COL4A4: variants seen among roughly 807,000 people sequenced by gnomAD.
The protein encoded by COL4A4 is collagen type IV alpha 4 chain.
COL4A4 carries 105 observed loss-of-function variants against 192.9 expected under a neutral mutation model. The observed-to-expected ratio is 0.54, with a 90% confidence interval of 0.46 to 0.64. COL4A4 has a LOEUF of 0.64. Among genes scored for constraint, COL4A4 ranks in the 30% least tolerant of loss-of-function variants. COL4A4 has a pLI of 0.00. For synonymous variants in COL4A4, 762 were observed against 769.9 expected (o/e 0.99, Z 0.17); for missense variants, 1,967 against 2,169.3 (o/e 0.91, Z 1.85).
intron 4 of COL4A4, among the ~76,000 whole-genome samples, chr2:227,134,485 A>T (rs1290955354): frequency 1.3e-5 from 2 of 152,220 alleles, no homozygotes; most frequent in African/African-American, 2.4e-5. Flanking sequence ...GGACATAAAA[A>T]TTATTGTTCT....
Position 227,034,303 on chromosome 2 carries a change from G to A in COL4A4, c.3506-822C>T, listed in dbSNP as rs906144716. ...AGTTGTGTTGAAGTTGTCTGAACGA[G>A]AGCCTTTTCAAATGACACTTCTTGA... On this transcript the variant is annotated intron_variant, in intron 37 of 47. Transcript: ENST00000396625. Among the ~76,000 whole-genome samples, 6 of 152,286 alleles carry A rather than the reference G, an allele frequency of 3.9e-5. No homozygotes were observed. The South Asian group carries it at 1.2e-3, about 32-fold the overall frequency.
At chr2:227,101,100 G>A (rs370390174) in intron 17 of COL4A4, among the ~76,000 whole-genome samples, 6 of 152,194 alleles carry the variant, frequency 3.9e-5, no homozygotes, top group East Asian at 3.9e-4. Context: ...GAGCCACCAC[G>A]CCCAGCCTTT....
the COL4A4 span, among the ~76,000 whole-genome samples, chr2:226,978,973 C>A: frequency 6.6e-6 from 1 of 152,038 alleles, no homozygotes; most frequent in Non-Finnish European, 1.5e-5. Context: ...GGACAGAAAC[C>A]AATAGGATGT....
At chr2:226,974,225 TTTTTATTTTATTTTA>T in the COL4A4 span, among the ~76,000 whole-genome samples, 8 of 148,260 alleles carry the variant, frequency 5.4e-5, no homozygotes, top group Middle Eastern at 3.4e-3. Flanking sequence ...TGTTGCCCTT[TTTTTATTTTATTTTA>T]TTTTATTTTA....
chr2:227,125,569 T>C lies in COL4A4; in HGVS notation c.193-4421A>G, dbSNP rs554198019. ...AAGCAGGGAATGGTTATTTGCATTATTGAAGGATGCTAACTCCTCTCTCTC... is the reference window on the plus strand; with the variant it reads ...AAGCAGGGAATGGTTATTTGCATTACTGAAGGATGCTAACTCCTCTCTCTC... On this transcript the variant is annotated intron_variant, in intron 4 of 47. Coordinates refer to ENST00000396625, the MANE Select transcript of COL4A4 (RefSeq NM_000092.5). 2.4e-4 allele frequency among the ~76,000 whole-genome samples: 37 copies of C among 152,170 alleles called. 1 individual carries two copies. The East Asian group carries it at 3.3e-3, about 14-fold the overall frequency.
chr2:227,051,444 A>G (rs1974082042), intron 32 of COL4A4, among the ~76,000 whole-genome samples: 1 of 152,202 alleles, frequency 6.6e-6, no homozygotes, highest in Non-Finnish European at 1.5e-5. Flanking sequence ...AAAAGTTAAA[A>G]TATTTGCCCT....
Position 227,023,441 on chromosome 2 carries a change from C to CAAA in COL4A4, c.4091-1271_4091-1269dup, listed in dbSNP as rs60646267. Reference sequence around the variant, plus strand: ...TGGGTGACAGAGCAAGATTCCATCTCAAAAAAAAAAAAAAGAAAAAAGAAA... The same window carrying CAAA: ...TGGGTGACAGAGCAAGATTCCATCTCAAAAAAAAAAAAAAAAAGAAAAAAGAAA... On this transcript the variant is annotated intron_variant, in intron 43 of 47. Coordinates refer to ENST00000396625, the MANE Select transcript of COL4A4 (RefSeq NM_000092.5). Among the ~76,000 whole-genome samples the CAAA allele has an allele frequency of 1.8e-3, 225 of 124,226 alleles. 1 individual carries two copies. In the East Asian group the frequency reaches 0.026, roughly 14 times the overall value. 81.5% of individuals were successfully genotyped at this position (124,226 alleles called of 152,430 possible).
chr2:227,120,883 G>A (rs750824529), intron 5 of COL4A4, 131 bp downstream of exon 5: 8 of 1,222,928 alleles, frequency 6.5e-6, no homozygotes, highest in Non-Finnish European at 9.3e-6. Flanking sequence ...AGGCTGCAGT[G>A]AGCTGAGATC....
intron 9 of COL4A4, among the ~76,000 whole-genome samples, chr2:227,110,680 CTTTT>C (rs34785989): frequency 3.2e-5 from 3 of 94,270 alleles, no homozygotes; most frequent in Admixed American, 1.3e-4. Context: ...CTCACCCAGT[CTTTT>C]TTTTTTTTTT....
Position 227,032,390 on chromosome 2 carries a change from A to T in COL4A4, c.3578-114T>A, listed in dbSNP as rs888604870. ...CAGAGGAGTGGCTGGTTCTGCAGACACCAACAACTGGTTGCAGTGGTGATC... is the reference window on the plus strand; with the variant it reads ...CAGAGGAGTGGCTGGTTCTGCAGACTCCAACAACTGGTTGCAGTGGTGATC... On this transcript the variant is annotated intron_variant, in intron 38 of 47. Transcript: ENST00000396625. 3 of 1,208,062 alleles carry T rather than the reference A, an allele frequency of 2.5e-6. No individual in the cohort carries two copies. In the African/African-American group the frequency reaches 4.5e-5, roughly 18 times the overall value. 74.8% of individuals were successfully genotyped at this position (1,208,062 alleles called of 1,614,324 possible).
chr2:227,152,202 T>C (rs1401361514), intron 1 of COL4A4, among the ~76,000 whole-genome samples: 1 of 152,156 alleles, frequency 6.6e-6, no homozygotes, highest in Non-Finnish European at 1.5e-5. Flanking sequence ...AGGGTGGTAA[T>C]ATTTGGGAAA....
chr2:226,982,989 G>C, the COL4A4 span, among the ~76,000 whole-genome samples: 1 of 152,214 alleles, frequency 6.6e-6, no homozygotes, highest in Non-Finnish European at 1.5e-5. Flanking sequence ...GTTGAGCATA[G>C]CATAACCTAG....
chr2:227,133,711 G>A (rs553817514), intron 4 of COL4A4, among the ~76,000 whole-genome samples: 5 of 152,144 alleles, frequency 3.3e-5, no homozygotes, highest in African/African-American at 1.2e-4. Context: ...GGCCAACATG[G>A]CAAAATCCCA....
At chr2:227,149,397 G>GTTTC (rs1464248893) in intron 1 of COL4A4, among the ~76,000 whole-genome samples, 1 of 152,100 alleles carries the variant, frequency 6.6e-6, no homozygotes, top group Non-Finnish European at 1.5e-5. Flanking sequence ...CCTAGTTTCT[G>GTTTC]TTTCTGGTTG....
At chr2:226,979,313 G>A in the COL4A4 span, among the ~76,000 whole-genome samples, 4 of 152,144 alleles carry the variant, frequency 2.6e-5, no homozygotes, top group Non-Finnish European at 5.9e-5. Flanking sequence ...TGGACACATA[G>A]AAGGGTGAGA....
downstream of COL4A4, among the ~76,000 whole-genome samples, chr2:227,000,156 C>G (rs188057531): frequency 5.1e-4 from 78 of 152,256 alleles, 1 homozygote; most frequent in Middle Eastern, 6.8e-3. Flanking sequence ...TGAACAAGGT[C>G]TTCAGACTCT....
At chr2:227,075,395 A>T (rs2058970621) in intron 25 of COL4A4, among the ~76,000 whole-genome samples, 1 of 152,230 alleles carries the variant, frequency 6.6e-6, no homozygotes, top group Non-Finnish European at 1.5e-5. Context: ...AAACCACATG[A>T]TTATTTTAAC....
At chr2:227,140,289 C>T (rs369567575) in intron 3 of COL4A4, 51 bp from the exon 4 acceptor site, 72 of 1,444,590 alleles carry the variant, frequency 5.0e-5, no homozygotes, top group South Asian at 6.9e-5. Flanking sequence ...CGTTTAACTA[C>T]GTGCATAACA....
At chr2:227,095,831 G>T (rs1221050460) in intron 19 of COL4A4, among the ~76,000 whole-genome samples, 1 of 152,172 alleles carries the variant, frequency 6.6e-6, no homozygotes, top group Admixed American at 6.5e-5. Context: ...AGAGGCGGAG[G>T]TTGCAGTGAG....
Sources: allele counts gnomAD v4.1 joint callset (sites outside exome capture counted in the v4.1 genomes callset), GRCh38; gene constraint gnomAD v4.1.1; transcripts MANE v1.5; gene names NCBI Gene and HGNC (gene_info 2026-07-23, HGNC 2026-07-21).